The following ANK2 variants were observed in gnomAD, a reference collection of about 807,000 sequenced individuals.
ANK2 encodes ankyrin 2.
Under a neutral mutation model 360.5 loss-of-function variants are expected in ANK2, and 83 were observed. The ratio of observed to expected loss-of-function variants is 0.23; its 90% CI spans 0.19 to 0.28. ANK2 has a LOEUF of 0.28. ANK2 is among the 10% of genes least tolerant of loss of function. The pLI, the probability that ANK2 is intolerant of heterozygous loss-of-function variation, is 1.00. For missense variants in ANK2, 4,201 were observed against 4,795.7 expected (o/e 0.88, Z 3.66); for synonymous variants, 1,740 against 1,759.5 (o/e 0.99, Z 0.28).
chr4:112,998,688 A>C (rs897301552), intron 2 of ANK2, among the ~76,000 whole-genome samples: 3 of 152,206 alleles, frequency 2.0e-5, no homozygotes, highest in African/African-American at 7.2e-5. Context: ...AAAGTGTGTT[A>C]AATAAAGTTA....
chr4:112,847,317 T>C (rs946944013), intron 1 of ANK2, among the ~76,000 whole-genome samples: 23 of 152,194 alleles, frequency 1.5e-4, no homozygotes, highest in African/African-American at 5.6e-4. Context: ...CTTTTCTCTC[T>C]CTCAGTGGTA....
chr4:112,790,820 G>T, the ANK2 span, among the ~76,000 whole-genome samples: 8 of 152,050 alleles, frequency 5.3e-5, no homozygotes, highest in Admixed American at 1.3e-4. Flanking sequence ...TTCAAAGGTG[G>T]GGAGAAATAA....
At chr4:112,826,650 A>G in intron 1 of ANK2, 1 of 1,040,906 alleles carries the variant, frequency 9.6e-7, no homozygotes, top group Admixed American at 2.3e-5. Flanking sequence ...AAAACGGGTG[A>G]CCACACTTAC....
At position 113,258,060 on chromosome 4, in the gene ANK2, C is replaced by A. The variant is rs768694556; in HGVS notation, c.1199C>A (p.Thr400Asn). ...NPNARALNGF[T>N]PLHIACKKNR... is the part of the protein sequence containing the mutation. ...TTGTCTTTTGCACAGAATGGTTTTA[C>A]TCCACTGCACATTGCCTGCAAGAAA... The change falls in exon 12 of 46, where the codon ACT (threonine) becomes AAT (asparagine). Residue 400 changes from threonine (T) to asparagine (N), a missense_variant. By Grantham distance (65) the Thr-to-Asn change is moderately conservative. Around this residue, in one of 4 missense-constraint regions of ANK2, gnomAD observed 1,268 missense variants for 1,650.8 expected, o/e 0.77. Coordinates refer to ENST00000357077, the MANE Select transcript of ANK2 (RefSeq NM_001148.6). 6.2e-7 allele frequency: 1 copy of A among 1,614,034 alleles called. No homozygotes were observed. The highest frequency in any genetic ancestry group is 1.1e-5 in the South Asian group (1 of 91,082).
At chr4:112,993,973 G>T (rs111403327) in intron 2 of ANK2, among the ~76,000 whole-genome samples, 6,338 of 152,268 alleles carry the variant, frequency 0.042, 274 homozygotes, top group East Asian at 0.25. Context: ...CTCCCAAAGT[G>T]CTGGGATTAC....
intron 1 of ANK2, among the ~76,000 whole-genome samples, chr4:113,172,227 C>A (rs1350665900): frequency 6.6e-6 from 1 of 152,124 alleles, no homozygotes; most frequent in Non-Finnish European, 1.5e-5. Context: ...CCAGCTGAGG[C>A]ACTTTATTTA....
At position 113,367,951 on chromosome 4, in the gene ANK2, A is replaced by T. The variant is rs78778496; in HGVS notation, c.11318+100A>T. On this transcript the variant is annotated intron_variant, in intron 42 of 45. Coordinates refer to ENST00000357077, the MANE Select transcript of ANK2 (RefSeq NM_001148.6). ...CATAACTAGTTTTTAAATACTTTTT[A>T]AAATGACCCTACCAAACACAAGTGC... 4,367 of 1,409,562 alleles carry T rather than the reference A, an allele frequency of 3.1e-3. 105 individuals are homozygous for T. The African/African-American group carries it at 0.055, about 18-fold the overall frequency. The allele number at this position is 1,409,562 out of a possible 1,614,324, so 87.3% of individuals were successfully genotyped here. A position where few individuals can be genotyped will look rare whatever the true frequency, so the allele number is the denominator to read the frequency against.
chr4:113,318,230 G>C (rs2083977554), intron 25 of ANK2, among the ~76,000 whole-genome samples: 1 of 152,166 alleles, frequency 6.6e-6, no homozygotes, highest in African/African-American at 2.4e-5. Context: ...TTTAATTTTA[G>C]TTATGATTTT....
rs1477532272 is a variant in ANK2 at position 113,350,388 on chromosome 4, AT to A, written c.4426+142del. 4.2e-6 allele frequency: 3 copies of A among 708,966 alleles called. No individual in the cohort carries two copies. In the African/African-American group the frequency reaches 5.4e-5, roughly 13 times the overall value. 43.9% of individuals were successfully genotyped at this position (708,966 alleles called of 1,614,324 possible). A position where few individuals can be genotyped will look rare whatever the true frequency, so the allele number is the denominator to read the frequency against. ...TATTATCCTTATTAATCATTAATAT[AT>A]TTATAAAAGCAGCTTGGCCAGTTAA... On this transcript the variant is annotated intron_variant, in intron 37 of 45. Transcript: ENST00000357077.
Position 113,369,902 on chromosome 4 carries a change from C to A in ANK2, c.11610+97C>A. The stretch of plus-strand genomic sequence containing the variant: ...ATGGTTTATTTTTTGCACTTCAAAA[C>A]AAAAAAGTTAACCAAATTAATTAAC... On this transcript the variant is annotated intron_variant, in intron 43 of 45. Coordinates refer to ENST00000357077, the MANE Select transcript of ANK2 (RefSeq NM_001148.6). 7 of 1,507,278 alleles carry A rather than the reference C, an allele frequency of 4.6e-6. No individual in the cohort carries two copies. In the Admixed American group the frequency reaches 9.0e-5, roughly 19 times the overall value. 93.4% of individuals were successfully genotyped at this position (1,507,278 alleles called of 1,614,324 possible). A position where few individuals can be genotyped will look rare whatever the true frequency, so the allele number is the denominator to read the frequency against.
At chr4:113,257,620 T>A (rs1436825214) in intron 11 of ANK2, among the ~76,000 whole-genome samples, 1 of 152,206 alleles carries the variant, frequency 6.6e-6, no homozygotes, top group Non-Finnish European at 1.5e-5. Context: ...TTAGATTTTT[T>A]AAGTAGATGA....
At chr4:112,867,825 C>T (rs1223431979) in intron 1 of ANK2, among the ~76,000 whole-genome samples, 1 of 151,958 alleles carries the variant, frequency 6.6e-6, no homozygotes, top group African/African-American at 2.4e-5. Context: ...GGATTGTTCC[C>T]ACTTTTTGAC....
intron 2 of ANK2, among the ~76,000 whole-genome samples, chr4:112,973,341 ACT>A (rs1335368119): frequency 1.3e-5 from 2 of 152,168 alleles, no homozygotes; most frequent in African/African-American, 2.4e-5. Context: ...CATTTTTATC[ACT>A]CTTTATAGTT....
intron 2 of ANK2, among the ~76,000 whole-genome samples, chr4:112,960,347 C>CTT (rs36107598): frequency 5.5e-5 from 8 of 144,702 alleles, no homozygotes; most frequent in African/African-American, 1.3e-4. Context: ...TAGTGTCTGC[C>CTT]TTTTTTTTTT....
At chr4:113,049,628 C>T (rs2066012042), upstream of ANK2, 1 of 1,466,832 alleles carries the variant, frequency 6.8e-7, no homozygotes, top group Non-Finnish European at 9.1e-7. Flanking sequence ...CCCCACCCCT[C>T]CTCCTCCTCC....
At chr4:113,016,941 T>C (rs893964245) in intron 2 of ANK2, among the ~76,000 whole-genome samples, 5 of 152,132 alleles carry the variant, frequency 3.3e-5, no homozygotes, top group Non-Finnish European at 7.4e-5. Context: ...TTCTCCATAC[T>C]CTGGCCTGAA....
chr4:112,921,685 ATT>A (rs113107484), intron 2 of ANK2, among the ~76,000 whole-genome samples: 52 of 138,814 alleles, frequency 3.7e-4, no homozygotes, highest in East Asian at 1.4e-3. Context: ...ATACCATTCT[ATT>A]TTTTTTTTTT....
At chr4:112,748,216 G>A in the ANK2 span, among the ~76,000 whole-genome samples, 7 of 152,166 alleles carry the variant, frequency 4.6e-5, no homozygotes, top group Admixed American at 4.6e-4. Flanking sequence ...ACCACCAAAT[G>A]TGCCTATACA....
intron 8 of ANK2, 38 bp downstream of exon 8, chr4:113,240,621 A>G (rs2039259964): frequency 8.5e-6 from 13 of 1,529,462 alleles, no homozygotes; most frequent in Non-Finnish European, 1.1e-5. Context: ...AGATAGCAGT[A>G]AATGAATATT....
Sources: allele counts gnomAD v4.1 joint callset (sites outside exome capture counted in the v4.1 genomes callset), GRCh38; gene constraint gnomAD v4.1.1; regional missense constraint gnomAD v4.1.1; transcripts MANE v1.5; gene names NCBI Gene and HGNC (gene_info 2026-07-23, HGNC 2026-07-21).